Variants in ZFR2 observed in about 807,000 individuals in gnomAD.
ZFR2 encodes zinc finger RNA binding protein 2.
ZFR2 carries 104 observed loss-of-function variants against 105.7 expected under a neutral mutation model. The ratio of observed to expected loss-of-function variants is 0.98; its 90% CI spans 0.84 to 1.16. The LOEUF is 1.16. ZFR2 is among the 50% of genes most tolerant of loss of function. The pLI is 0.00. For synonymous variants in ZFR2, 634 were observed against 597.7 expected (o/e 1.06, Z -0.89); for missense variants, 1,425 against 1,355.5 (o/e 1.05, Z -0.80).
intron 3 of ZFR2, among the ~76,000 whole-genome samples, chr19:3,833,351 C>A (rs141445132): frequency 0.032 from 4,803 of 151,734 alleles, 236 homozygotes; most frequent in African/African-American, 0.11. Context: ...CCAAGGCGGG[C>A]GGATCACGAG....
chr19:3,811,211 C>T, intron 15 of ZFR2, 61 bp downstream of exon 15: 1 of 1,446,718 alleles, frequency 6.9e-7, no homozygotes, highest in Non-Finnish European at 9.2e-7. Context: ...TGACCTGGTG[C>T]CTCTGAGCTA....
rs1555762879 is a variant in ZFR2, at chr19:3,867,304, T to TGGGC, written c.53+1660_53+1661insGCCC. Among the ~76,000 whole-genome samples the TGGGC allele has an allele frequency of 1.7e-3, 251 of 149,760 alleles. 3 individuals carry two copies. Among genetic ancestry groups the TGGGC allele is most frequent in the African/African-American group, 6.1e-3 (246 of 40,352 alleles). Reference sequence around the variant, plus strand: ...GTGACACGCGGAAATGATCAACTGTTGGGGGGGGAATCTGGTCCCCTCAGA... The same window carrying TGGGC: ...GTGACACGCGGAAATGATCAACTGTTGGGCGGGGGGGGAATCTGGTCCCCTCAGA... On this transcript the variant is annotated intron_variant, in intron 1 of 18. Coordinates refer to ENST00000262961, the MANE Select transcript of ZFR2 (RefSeq NM_015174.2).
chr19:3,841,949 G>A (rs1162355458), intron 1 of ZFR2, among the ~76,000 whole-genome samples: 1 of 151,864 alleles, frequency 6.6e-6, no homozygotes, highest in African/African-American at 2.4e-5. Flanking sequence ...ACTGTACCTG[G>A]CCAAAATCCA....
At chr19:3,859,661 G>A (rs2038350583) in intron 1 of ZFR2, among the ~76,000 whole-genome samples, 3 of 152,218 alleles carry the variant, frequency 2.0e-5, no homozygotes, top group African/African-American at 2.4e-5. Context: ...GAGAGACAAC[G>A]TGCCCTGCCA....
chr19:3,818,908 TG>T, intron 12 of ZFR2, 136 bp downstream of exon 12: 1 of 1,106,828 alleles, frequency 9.0e-7, no homozygotes, highest in Non-Finnish European at 1.3e-6. Context: ...TTCCTACTCC[TG>T]GGGCTGGAAA....
chr19:3,844,637 G>C (rs1016987778), intron 1 of ZFR2, among the ~76,000 whole-genome samples: 3 of 152,180 alleles, frequency 2.0e-5, no homozygotes, highest in African/African-American at 7.2e-5. Context: ...CAAAAGTACT[G>C]GGATTACATG....
intron 6 of ZFR2, among the ~76,000 whole-genome samples, chr19:3,826,581 A>G (rs1382729831): frequency 6.6e-6 from 1 of 151,882 alleles, no homozygotes; most frequent in East Asian, 2.0e-4. Context: ...GATTACAGGC[A>G]CGCACCCACC....
In ZFR2 at chr19:3,834,929, T is replaced by C; in HGVS notation, c.108A>G (p.Gln36=). ...CGGCAGGGTCCATCCCAGGAGTGGG[T>C]TGTGCAGTATAGCTGGCCCCCACAG... is the stretch of plus-strand genomic sequence containing the variant. The part of the protein sequence containing the change: ...LPTVGASYTA[Q]PTPGMDPAVN... Residue 36 remains glutamine, a synonymous_variant, in exon 2 of 19, where the codon CAA becomes CAG. Coordinates refer to ENST00000262961, the MANE Select transcript of ZFR2 (RefSeq NM_015174.2). This position sits in a 1 kb window ranked among gnomAD's most constrained non-coding sequence, Gnocchi z 5.3. 9 of 1,611,546 alleles carry C rather than the reference T, an allele frequency of 5.6e-6. No individual in the cohort carries two copies. The highest frequency in any genetic ancestry group is 7.6e-6 in the Non-Finnish European group (9 of 1,179,086).
At chr19:3,868,355 G>A (rs1221191387) in intron 1 of ZFR2, among the ~76,000 whole-genome samples, 1 of 140,286 alleles carries the variant, frequency 7.1e-6, no homozygotes, top group Non-Finnish European at 1.5e-5. Context: ...ACCCTCCCAG[G>A]TCTGTGTCTT....
chr19:3,808,811 A>C, intron 17 of ZFR2, 61 bp downstream of exon 17: 1 of 1,370,580 alleles, frequency 7.3e-7, no homozygotes, highest in African/African-American at 1.5e-5. Context: ...TGCCATGGCC[A>C]CGGGCCCTGG....
chr19:3,835,625 G>A (rs1040302574), intron 1 of ZFR2, among the ~76,000 whole-genome samples: 2 of 150,434 alleles, frequency 1.3e-5, no homozygotes, highest in South Asian at 2.1e-4. Context: ...GAGCCACCAC[G>A]CCCGGCCAGA....
intron 1 of ZFR2, among the ~76,000 whole-genome samples, chr19:3,837,775 C>T (rs978983997): frequency 7.3e-5 from 11 of 149,750 alleles, no homozygotes; most frequent in Non-Finnish European, 1.5e-4. Flanking sequence ...ATGGGACACC[C>T]GATGGACACC....
At chr19:3,856,095 G>A (rs1036777942) in intron 1 of ZFR2, among the ~76,000 whole-genome samples, 1 of 152,216 alleles carries the variant, frequency 6.6e-6, no homozygotes, top group Non-Finnish European at 1.5e-5. Context: ...CGCGGTGGAG[G>A]CGGTGCGCGT....
In ZFR2 at chr19:3,808,946, G is replaced by A. The variant is rs771255115; in HGVS notation, c.2471C>T (p.Ala824Val). The A allele has an allele frequency of 2.0e-5, 31 of 1,571,304 alleles. No individual in the cohort carries two copies. The highest frequency in any genetic ancestry group is 4.7e-5 in the East Asian group (2 of 42,862). ...ELLVEKAVSS[A>V]AGPLGPGDAV... ...ATCCCCGGGGCCCAGGGGCCCAGCC[G>A]CACTGCTCACAGCCTTCTCCACCAG... Residue 824 changes from alanine to valine, a missense_variant, in exon 17 of 19, where the codon GCG becomes GTG. By Grantham distance (64) the Ala-to-Val change is moderately conservative. Transcript: ENST00000262961.
chr19:3,819,313 G>GTGGGGA, intron 11 of ZFR2, 78 bp from the exon 12 acceptor site: 1 of 918,846 alleles, frequency 1.1e-6, no homozygotes, highest in Non-Finnish European at 1.5e-6. Flanking sequence ...GCAGGTGGGG[G>GTGGGGA]CAGGTGGCCG....
At chr19:3,843,444 C>T (rs571802919) in intron 1 of ZFR2, among the ~76,000 whole-genome samples, 16 of 152,076 alleles carry the variant, frequency 1.1e-4, no homozygotes, top group African/African-American at 3.6e-4. Flanking sequence ...GCACTCCAGC[C>T]TGGGAGACAG....
rs758190012 is a variant in ZFR2 at position 3,816,696 on chromosome 19, T to C, written c.2081A>G (p.Gln694Arg). The C allele has an allele frequency of 1.1e-5, 17 of 1,609,768 alleles. 1 individual carries two copies. The Admixed American group carries it at 2.7e-4, about 25-fold the overall frequency. The change falls in exon 13 of 19, where the codon CAG becomes CGG. Residue 694 changes from glutamine to arginine, a missense_variant. Physicochemically the swap from Gln to Arg is conservative, Grantham distance 43. Transcript: ENST00000262961. Reference protein sequence around the residue: ...PTHSLLRRIAQQLPRQLQMVT... With the variant: ...PTHSLLRRIARQLPRQLQMVT... ...TACCTGGAGCTGCCGGGGCAGCTGC[T>C]GGGCGATCCTCCGCAGCAGGCTGTG...
intron 5 of ZFR2, among the ~76,000 whole-genome samples, chr19:3,830,391 G>T (rs546484405): frequency 6.6e-6 from 1 of 152,288 alleles, no homozygotes; most frequent in South Asian, 2.1e-4. Context: ...AGCTGTGATT[G>T]TACCACTGCA....
intron 7 of ZFR2, among the ~76,000 whole-genome samples, chr19:3,824,561 AGT>A (rs1206522332): frequency 2.6e-5 from 4 of 152,142 alleles, no homozygotes; most frequent in Non-Finnish European, 5.9e-5. Flanking sequence ...AGGGGAGCAC[AGT>A]GGAGGTGGCA....
Sources: allele counts gnomAD v4.1 joint callset (sites outside exome capture counted in the v4.1 genomes callset), GRCh38; gene constraint gnomAD v4.1.1; non-coding constraint Gnocchi (gnomAD v3.1); transcripts MANE v1.5; gene names NCBI Gene and HGNC (gene_info 2026-07-23, HGNC 2026-07-21).